Variants in GRID2 observed in about 807,000 individuals in gnomAD.
GRID2 encodes glutamate ionotropic receptor delta type subunit 2.
A neutral mutation model predicts 114.8 loss-of-function variants in GRID2; 33 were observed. The ratio of observed to expected loss-of-function variants is 0.29; its 90% CI spans 0.22 to 0.38. The LOEUF (loss-of-function observed/expected upper bound fraction) is 0.38, where lower values mean the gene tolerates loss of function less well. Among genes scored for constraint, GRID2 ranks in the 10% least tolerant of loss-of-function variants. GRID2 has a pLI of 1.00. For synonymous variants in GRID2, 505 were observed against 449.9 expected (o/e 1.12, Z -1.55); for missense variants, 1,184 against 1,257.7 (o/e 0.94, Z 0.89).
chr4:93,805,543 A>G (rs1464606085), intron 1 of GRID2, among the ~76,000 whole-genome samples: 1 of 152,190 alleles, frequency 6.6e-6, no homozygotes, highest in Admixed American at 6.5e-5. Flanking sequence ...CACAATTAGA[A>G]ACACTCAGTC....
At chr4:92,354,278 C>T (rs181680273) in intron 1 of GRID2, among the ~76,000 whole-genome samples, 85 of 152,060 alleles carry the variant, frequency 5.6e-4, no homozygotes, top group African/African-American at 1.9e-3. Context: ...TTTCTGGTTT[C>T]AGCATTTACT....
intron 1 of GRID2, among the ~76,000 whole-genome samples, chr4:92,498,946 CAAGTT>C (rs1723534846): frequency 4.4e-5 from 5 of 113,904 alleles, no homozygotes; most frequent in East Asian, 2.7e-4. Flanking sequence ...AAAAAAAAAA[CAAGTT>C]AGAAGAACTG....
chr4:92,925,188 T>G (rs1749708985), intron 2 of GRID2, among the ~76,000 whole-genome samples: 1 of 152,092 alleles, frequency 6.6e-6, no homozygotes, highest in Non-Finnish European at 1.5e-5. Flanking sequence ...TTGGATAAAA[T>G]TCATTTTATT....
intron 14 of GRID2, among the ~76,000 whole-genome samples, chr4:93,683,901 A>T (rs956378900): frequency 6.6e-6 from 1 of 152,120 alleles, no homozygotes; most frequent in African/African-American, 2.4e-5. Context: ...TTTTTAAAGC[A>T]TGATAAGGAC....
At chr4:92,451,883 G>T (rs1411003334) in intron 1 of GRID2, among the ~76,000 whole-genome samples, 1 of 152,154 alleles carries the variant, frequency 6.6e-6, no homozygotes, top group Non-Finnish European at 1.5e-5. Flanking sequence ...AGGGTCACAA[G>T]ATAAGATGTT....
downstream of GRID2, among the ~76,000 whole-genome samples, chr4:93,774,813 T>C (rs2110346126): frequency 6.6e-6 from 1 of 152,218 alleles, no homozygotes; most frequent in Admixed American, 6.5e-5. Flanking sequence ...TCTGTGGATG[T>C]CTCTGTGAGC....
chr4:93,092,236 C>A (rs554408511), intron 3 of GRID2, among the ~76,000 whole-genome samples: 2 of 152,204 alleles, frequency 1.3e-5, no homozygotes, highest in African/African-American at 2.4e-5. Flanking sequence ...CTTTTGCATA[C>A]ATTTGTCAGG....
At chr4:92,525,082 G>A (rs1462222689) in intron 1 of GRID2, among the ~76,000 whole-genome samples, 1 of 151,942 alleles carries the variant, frequency 6.6e-6, no homozygotes, top group African/African-American at 2.4e-5. Context: ...AGACTCATTT[G>A]CAAAAGAAAA....
chr4:92,976,651 A>G (rs1035796536), intron 2 of GRID2, among the ~76,000 whole-genome samples: 2 of 152,216 alleles, frequency 1.3e-5, no homozygotes, highest in East Asian at 3.9e-4. Flanking sequence ...CCAAAGCAAA[A>G]CAAGATTACA....
In GRID2 at chr4:92,376,170, T is replaced by C. The variant is rs1203413862; in HGVS notation, c.88+71426T>C. On this transcript the variant is annotated intron_variant, in intron 1 of 15. Transcript: ENST00000282020. ...TAAAAAATACAAAAAATTAGCCCGG[T>C]GTGTTGTCGGGCACCTGAAGTCCCA... is the stretch of plus-strand genomic sequence containing the variant. Among the ~76,000 whole-genome samples, 4 of 151,990 alleles carry C rather than the reference T, an allele frequency of 2.6e-5. No homozygotes were observed. The East Asian group carries it at 7.7e-4, about 29-fold the overall frequency.
At chr4:92,562,036 A>T (rs542425147) in intron 1 of GRID2, among the ~76,000 whole-genome samples, 4 of 152,222 alleles carry the variant, frequency 2.6e-5, no homozygotes, top group Admixed American at 1.3e-4. Context: ...ACTTTGTTTT[A>T]GCCAGATATG....
intron 10 of GRID2, among the ~76,000 whole-genome samples, chr4:93,426,379 T>G (rs963006016): frequency 3.9e-5 from 6 of 152,142 alleles, no homozygotes; most frequent in Admixed American, 1.3e-4. Context: ...GATTAGCAAT[T>G]ACGTTAAAAT....
chr4:92,409,923 CT>C (rs1274563855), intron 1 of GRID2, among the ~76,000 whole-genome samples: 2 of 152,086 alleles, frequency 1.3e-5, no homozygotes, highest in Non-Finnish European at 2.9e-5. Flanking sequence ...ACTGGCTTTT[CT>C]CTGTCATCTA....
chr4:92,457,485 G>T (rs62312228), intron 1 of GRID2, among the ~76,000 whole-genome samples: 1 of 151,840 alleles, frequency 6.6e-6, no homozygotes, highest in African/African-American at 2.4e-5. Flanking sequence ...TCTTTTATGC[G>T]CATCGAAAGA....
At chr4:93,473,038 C>T (rs1189446967) in intron 11 of GRID2, among the ~76,000 whole-genome samples, 1 of 152,152 alleles carries the variant, frequency 6.6e-6, no homozygotes, top group Non-Finnish European at 1.5e-5. Context: ...TTTCATACTG[C>T]ATGTAATGCT....
At chr4:92,588,515 A>G (rs2149209362) in intron 1 of GRID2, among the ~76,000 whole-genome samples, 1 of 151,252 alleles carries the variant, frequency 6.6e-6, no homozygotes, top group South Asian at 2.1e-4. Context: ...TCCCTACTAC[A>G]AATACAAAAA....
chr4:92,516,584 T>C (rs572943913), intron 1 of GRID2, among the ~76,000 whole-genome samples: 1 of 152,024 alleles, frequency 6.6e-6, no homozygotes, highest in East Asian at 2.0e-4. Flanking sequence ...TAAGGCTCAC[T>C]TTAAAGCAGC....
intron 13 of GRID2, among the ~76,000 whole-genome samples, chr4:93,579,304 A>G (rs1178552939): frequency 6.6e-6 from 1 of 152,088 alleles, no homozygotes; most frequent in Admixed American, 6.5e-5. Flanking sequence ...CGTTCATATC[A>G]CAGTACAAAA....
At chr4:92,794,905 T>TATATATATATATATATATACACACAC (rs745392261) in intron 2 of GRID2, among the ~76,000 whole-genome samples, 13 of 127,796 alleles carry the variant, frequency 1.0e-4, no homozygotes, top group African/African-American at 4.0e-4. Context: ...TATATATATA[T>TATATATATATATATATATACACACAC]ACACACACAC....
Sources: allele counts gnomAD v4.1 joint callset (sites outside exome capture counted in the v4.1 genomes callset), GRCh38; gene constraint gnomAD v4.1.1; transcripts MANE v1.5; gene names NCBI Gene and HGNC (gene_info 2026-07-23, HGNC 2026-07-21).